DPP9: variants seen among roughly 807,000 people sequenced by gnomAD.
DPP9 encodes dipeptidyl peptidase 9.
DPP9 carries 50 observed loss-of-function variants against 110.7 expected under a neutral mutation model. The ratio of observed to expected loss-of-function variants is 0.45; its 90% CI spans 0.36 to 0.57. DPP9 has a LOEUF of 0.57. Ranked by LOEUF, DPP9 falls within the 20% of genes least tolerant of loss-of-function variation. The pLI is 0.00. For missense variants in DPP9, 1,022 were observed against 1,217.9 expected (o/e 0.84, Z 2.39); for synonymous variants, 561 against 514.4 (o/e 1.09, Z -1.23).
chr19:4,716,602 A>T (rs1046750844), intron 3 of DPP9, among the ~76,000 whole-genome samples: 1 of 151,592 alleles, frequency 6.6e-6, no homozygotes. Flanking sequence ...GTGCCACTGC[A>T]CTCCAGCCTG....
intron 3 of DPP9, chr19:4,716,143 A>T (rs2093064311): frequency 6.6e-6 from 1 of 152,238 alleles, no homozygotes; most frequent in South Asian, 2.1e-4. Context: ...GCGGGAGTGG[A>T]CAGCAGGGAC....
chr19:4,677,392 C>T (rs897713954), intron 21 of DPP9, among the ~76,000 whole-genome samples: 9 of 152,238 alleles, frequency 5.9e-5, no homozygotes, highest in African/African-American at 2.2e-4. Flanking sequence ...CGGGGCTGGC[C>T]GGCAGCAGGG....
Position 4,676,194 on chromosome 19 carries a change from C to T in DPP9, c.*370G>A, listed in dbSNP as rs1253561070. 8.4e-6 allele frequency: 2 copies of T among 238,842 alleles called. No homozygotes were observed. Among genetic ancestry groups the T allele is most frequent in the Non-Finnish European group, 1.6e-5 (2 of 122,200 alleles). 14.8% of individuals were successfully genotyped at this position (238,842 alleles called of 1,614,324 possible). On this transcript the variant is annotated 3_prime_UTR_variant, in exon 22 of 22. Transcript: ENST00000262960. The surrounding 1 kb of genome is among the most constrained non-coding windows in gnomAD (Gnocchi z 4.0). The stretch of plus-strand genomic sequence containing the variant: ...GTGCTGGGGACGGTGGCTGGCCGGG[C>T]CAGGGGACTGAGAGGTCACAGGGAG...
rs1441415532 is a variant in DPP9 at position 4,709,997 on chromosome 19, C to T, written c.314-4027G>A. The stretch of plus-strand genomic sequence containing the variant: ...GGCCCCTGCCAGCACATTCCTCGGG[C>T]GAGCTGCTGCTGGCACTATGATGGT... On this transcript the variant is annotated intron_variant, in intron 4 of 21. Coordinates refer to ENST00000262960, the MANE Select transcript of DPP9 (RefSeq NM_139159.5). Among the ~76,000 whole-genome samples the T allele has an allele frequency of 3.3e-5, 5 of 152,280 alleles. No homozygotes were observed. The South Asian group carries it at 6.2e-4, about 19-fold the overall frequency.
chr19:4,703,793 G>T, intron 7 of DPP9, 93 bp downstream of exon 7: 1 of 1,380,274 alleles, frequency 7.2e-7, no homozygotes, highest in Non-Finnish European at 9.9e-7. Flanking sequence ...TGAGGGGTGT[G>T]TGCAGGAAGA....
At position 4,685,153 on chromosome 19, in the gene DPP9, C is replaced by G; in HGVS notation, c.2032-344G>C. The G allele has an allele frequency of 1.8e-6, 1 of 553,756 alleles. No individual in the cohort carries two copies. 34.3% of individuals were successfully genotyped at this position (553,756 alleles called of 1,614,324 possible). ...ACTGCGGGGTGCTGAGAAGCCACTC[C>G]AGGCCAGGAGAACTCGCAGTGGTGA... On this transcript the variant is annotated intron_variant, in intron 17 of 21. Coordinates refer to ENST00000262960, the MANE Select transcript of DPP9 (RefSeq NM_139159.5). This position sits in a 1 kb window ranked among gnomAD's most constrained non-coding sequence, Gnocchi z 5.8.
rs1030688907 is a variant in DPP9, at chr19:4,698,703, T to C, written c.1075-1052A>G. On this transcript the variant is annotated intron_variant, in intron 10 of 21. Transcript: ENST00000262960. This position sits in a 1 kb window ranked among gnomAD's most constrained non-coding sequence, Gnocchi z 4.2. ...AAGTTGAGGCTGCAGTGGGTCATGA[T>C]TGCACCAGTGTACTCCAGCCTAGAC... Among the ~76,000 whole-genome samples the C allele has an allele frequency of 7.2e-5, 11 of 151,802 alleles. No homozygotes were observed. Among genetic ancestry groups the C allele is most frequent in the Non-Finnish European group, 1.2e-4 (8 of 67,980 alleles).
At position 4,685,271 on chromosome 19, in the gene DPP9, A is replaced by G. The variant is rs2090524354; in HGVS notation, c.2031+355T>C. 7.5e-6 allele frequency: 4 copies of G among 532,088 alleles called. No homozygotes were observed. The highest frequency in any genetic ancestry group is 2.9e-4 in the Middle Eastern group (1 of 3,480). The allele number at this position is 532,088 out of a possible 1,614,324, so 33.0% of individuals were successfully genotyped here. ...TGCGCCTAAGATGGTCCAACTGCCA[A>G]TCTGCTGCCTGCTTTTGACCCCTGC... On this transcript the variant is annotated intron_variant, in intron 17 of 21. Transcript: ENST00000262960. The surrounding 1 kb of genome is among the most constrained non-coding windows in gnomAD (Gnocchi z 5.8).
chr19:4,714,928 C>A (rs538527889), intron 3 of DPP9, among the ~76,000 whole-genome samples: 2 of 151,964 alleles, frequency 1.3e-5, no homozygotes, highest in African/African-American at 4.8e-5. Context: ...TCCTTTCCAC[C>A]GCAGGGCCTT....
At chr19:4,716,860 C>A (rs2093105080) in intron 3 of DPP9, among the ~76,000 whole-genome samples, 1 of 152,162 alleles carries the variant, frequency 6.6e-6, no homozygotes, top group African/African-American at 2.4e-5. Flanking sequence ...ATAAGCCCAG[C>A]AATTACAGCA....
In DPP9 at chr19:4,675,327, G is replaced by A. The variant is rs887371954; in HGVS notation, c.*1237C>T. 3.3e-5 allele frequency: 5 copies of A among 152,052 alleles called. No individual in the cohort carries two copies. The highest frequency in any genetic ancestry group is 5.9e-5 in the Non-Finnish European group (4 of 67,914). 9.4% of individuals were successfully genotyped at this position (152,052 alleles called of 1,614,324 possible). ...ATATTTTCTTTCCATAATATGTAGA[G>A]GTGGTTTGTTTCTTTTTTTTTTTTT... On this transcript the variant is annotated 3_prime_UTR_variant, in exon 22 of 22. Coordinates refer to ENST00000262960, the MANE Select transcript of DPP9 (RefSeq NM_139159.5).
rs1417590611 is a variant in DPP9 at position 4,685,740 on chromosome 19, G to C, written c.1917C>G (p.Ile639Met). The C allele has an allele frequency of 1.9e-6, 3 of 1,613,320 alleles. No homozygotes were observed. The highest frequency in any genetic ancestry group is 2.5e-6 in the Non-Finnish European group (3 of 1,179,830). The change falls in exon 17 of 22, where the codon ATC (isoleucine) becomes ATG (methionine). Residue 639 changes from isoleucine (I) to methionine (M), a missense_variant. Around this residue, in one of 3 missense-constraint regions of DPP9, gnomAD observed 810 missense variants for 920.6 expected, o/e 0.88. Coordinates refer to ENST00000262960, the MANE Select transcript of DPP9 (RefSeq NM_139159.5). This position sits in a 1 kb window ranked among gnomAD's most constrained non-coding sequence, Gnocchi z 5.8. ...CATCCGAGCGCGTGTGGAAATGGAA[G>C]ATCTCTGGAGGAACATAATCCGGGG... ...SCPPDYVPPEIFHFHTRSDVR... is the reference protein window; with the variant it reads ...SCPPDYVPPEMFHFHTRSDVR...
chr19:4,688,930 C>T (rs545991791), intron 15 of DPP9, 38 bp from the exon 16 acceptor site: 45 of 1,497,766 alleles, frequency 3.0e-5, no homozygotes, highest in Admixed American at 1.6e-4. Flanking sequence ...CACGGGATGC[C>T]GCTGCGCCCT....
In DPP9 at chr19:4,711,370, C is replaced by T. The variant is rs575724760; in HGVS notation, c.313+2711G>A. Among the ~76,000 whole-genome samples, 4 of 152,144 alleles carry T rather than the reference C, an allele frequency of 2.6e-5. No homozygotes were observed. In the South Asian group the frequency reaches 6.2e-4, roughly 24 times the overall value. On this transcript the variant is annotated intron_variant, in intron 4 of 21. Transcript: ENST00000262960. ...TCCTGGGGCTCGGGTGTGGAGGCTACGTTACACAGAGAGACAGGCCTGTGC... is the reference window on the plus strand; with the variant it reads ...TCCTGGGGCTCGGGTGTGGAGGCTATGTTACACAGAGAGACAGGCCTGTGC...
At chr19:4,692,076 C>T (rs2091378183) in intron 13 of DPP9, among the ~76,000 whole-genome samples, 1 of 152,054 alleles carries the variant, frequency 6.6e-6, no homozygotes, top group Non-Finnish European at 1.5e-5. Flanking sequence ...CCACCTCGGC[C>T]TCCCAAAGTG....
chr19:4,703,030 C>A (rs896969078), intron 7 of DPP9, among the ~76,000 whole-genome samples: 1 of 151,690 alleles, frequency 6.6e-6, no homozygotes, highest in Admixed American at 6.6e-5. Context: ...GCACCCCCGC[C>A]CAAGTGTGCC....
chr19:4,686,498 T>C (rs1413795267), intron 16 of DPP9, among the ~76,000 whole-genome samples: 4 of 151,810 alleles, frequency 2.6e-5, no homozygotes, highest in African/African-American at 9.7e-5. Flanking sequence ...TTTTGTACTT[T>C]TAGTAGAGAT....
intron 1 of DPP9, among the ~76,000 whole-genome samples, chr19:4,723,196 G>A (rs1228417580): frequency 6.6e-6 from 1 of 152,232 alleles, no homozygotes; most frequent in Non-Finnish European, 1.5e-5. Flanking sequence ...AAGGTTGGAG[G>A]AAGTGGTAAA....
chr19:4,690,113 C>G (rs2091179637), intron 14 of DPP9, among the ~76,000 whole-genome samples: 1 of 152,230 alleles, frequency 6.6e-6, no homozygotes, highest in Non-Finnish European at 1.5e-5. Context: ...TCCTCCGACC[C>G]AGGTGCTTGG....
Sources: allele counts gnomAD v4.1 joint callset (sites outside exome capture counted in the v4.1 genomes callset), GRCh38; gene constraint gnomAD v4.1.1; regional missense constraint gnomAD v4.1.1; non-coding constraint Gnocchi (gnomAD v3.1); transcripts MANE v1.5; gene names NCBI Gene and HGNC (gene_info 2026-07-23, HGNC 2026-07-21).